TFCP2L1: variants seen among roughly 807,000 people sequenced by gnomAD.
The protein encoded by TFCP2L1 is transcription factor CP2 like 1.
TFCP2L1 carries 12 observed loss-of-function variants against 72.2 expected under a neutral mutation model. The observed-to-expected ratio is 0.17, with a 90% CI of 0.11 to 0.27. The LOEUF is 0.27. TFCP2L1 is among the 10% of genes least tolerant of loss of function. The pLI is 1.00. For synonymous variants in TFCP2L1, 260 were observed against 251.0 expected, an observed-to-expected ratio of 1.04 and a Z score of -0.34; for missense variants, 488 against 624.6, an observed-to-expected ratio of 0.78 and a Z score of 2.33.
chr2:121,242,269 AG>A (rs1326567167), intron 7 of TFCP2L1, 89 bp downstream of exon 7: 6 of 1,142,042 alleles, frequency 5.3e-6, no homozygotes, highest in Non-Finnish European at 7.9e-6. Context: ...TAGTCACCCG[AG>A]ATGGGCGATT....
chr2:121,251,869 T>TAAGG (rs1274859733), intron 2 of TFCP2L1, among the ~76,000 whole-genome samples: 1 of 152,152 alleles, frequency 6.6e-6, no homozygotes, highest in Non-Finnish European at 1.5e-5. Context: ...AGATACTCAA[T>TAAGG]AAGGAAGAAC....
In TFCP2L1 at chr2:121,217,933, C is replaced by A. The variant is rs1190603100; in HGVS notation, c.*6408G>T. On this transcript the variant is annotated 3_prime_UTR_variant, in exon 15 of 15. Coordinates refer to ENST00000263707, the MANE Select transcript of TFCP2L1 (RefSeq NM_014553.3). The stretch of plus-strand genomic sequence containing the variant: ...CCTTCCAAGGGGGGCTCGCCAGCCA[C>A]ACAGGACACGAGATGCGTGATAGGC... The A allele has an allele frequency of 1.3e-5, 2 of 152,252 alleles. No individual in the cohort carries two copies. Among genetic ancestry groups the A allele is most frequent in the African/African-American group, 4.8e-5 (2 of 41,464 alleles). The allele number at this position is 152,252 out of a possible 1,614,324, so 9.4% of individuals were successfully genotyped here. A position where few individuals can be genotyped will look rare whatever the true frequency, so the allele number is the denominator to read the frequency against.
intron 13 of TFCP2L1, 119 bp downstream of exon 13, chr2:121,231,707 G>T: frequency 7.2e-7 from 1 of 1,397,370 alleles, no homozygotes; most frequent in Non-Finnish European, 9.7e-7. Context: ...GCTGCAGGTG[G>T]TGTGCAGATG....
At chr2:121,225,063 T>C (rs948376006) in intron 14 of TFCP2L1, among the ~76,000 whole-genome samples, 5 of 152,004 alleles carry the variant, frequency 3.3e-5, no homozygotes, top group African/African-American at 9.6e-5. Context: ...CCAGGGTCTA[T>C]GAGTCGGTCA....
intron 14 of TFCP2L1, 101 bp from the exon 15 acceptor site, chr2:121,224,488 C>G (rs769740132): frequency 6.6e-6 from 8 of 1,213,384 alleles, no homozygotes; most frequent in Non-Finnish European, 9.5e-6. Flanking sequence ...TCAGCAAAGA[C>G]CACCAAAATA....
intron 2 of TFCP2L1, among the ~76,000 whole-genome samples, chr2:121,263,310 C>A (rs1686861135): frequency 2.6e-5 from 4 of 151,986 alleles, no homozygotes; most frequent in Admixed American, 2.6e-4. Context: ...GAATTTGTAT[C>A]CATAGTAGAT....
At chr2:121,280,195 G>T (rs1379094958) in intron 2 of TFCP2L1, among the ~76,000 whole-genome samples, 5 of 141,312 alleles carry the variant, frequency 3.5e-5, no homozygotes, top group African/African-American at 5.2e-5. Context: ...GAGGTTCAGA[G>T]AAAAAAAAAA....
At chr2:121,241,115 ATCAGTCAGCC>A (rs1335132642) in intron 7 of TFCP2L1, among the ~76,000 whole-genome samples, 1 of 152,180 alleles carries the variant, frequency 6.6e-6, no homozygotes, top group Non-Finnish European at 1.5e-5. Context: ...ACCACCACCA[ATCAGTCAGCC>A]TGACTGCAGA....
intron 2 of TFCP2L1, among the ~76,000 whole-genome samples, chr2:121,250,004 A>C (rs1185816658): frequency 6.6e-6 from 1 of 152,224 alleles, no homozygotes; most frequent in Non-Finnish European, 1.5e-5. Context: ...GATGGAGAAC[A>C]CAGCTACTTA....
chr2:121,244,085 C>A (rs1251800453), intron 6 of TFCP2L1, among the ~76,000 whole-genome samples: 1 of 152,138 alleles, frequency 6.6e-6, no homozygotes, highest in East Asian at 1.9e-4. Context: ...ACCCCCACGA[C>A]CTGGCTTCCC....
At chr2:121,224,625 C>CA (rs1232034732) in intron 14 of TFCP2L1, among the ~76,000 whole-genome samples, 1 of 152,210 alleles carries the variant, frequency 6.6e-6, no homozygotes, top group Non-Finnish European at 1.5e-5. Flanking sequence ...TGAAAACCTA[C>CA]GTTCCAAGGA....
At position 121,235,261 on chromosome 2, in the gene TFCP2L1, G is replaced by T; in HGVS notation, c.1054C>A (p.Pro352Thr). The T allele has an allele frequency of 6.2e-7, 1 of 1,614,130 alleles. No homozygotes were observed. Among genetic ancestry groups the T allele is most frequent in the Non-Finnish European group, 8.5e-7 (1 of 1,180,034 alleles). ...SRDDLVQICG[P>T]ADGIRLFNAI... ...TTGAAGAGCCGGATCCCATCTGCGG[G>T]ACCACAGATCTGGACCAAATCATCT... The change falls in exon 11 of 15, where the codon CCC becomes ACC. Residue 352 changes from proline (P) to threonine (T), a missense_variant. Physicochemically the swap from Pro to Thr is conservative, Grantham distance 38 (BLOSUM62 -1). Coordinates refer to ENST00000263707, the MANE Select transcript of TFCP2L1 (RefSeq NM_014553.3).
At chr2:121,251,579 G>C (rs913989414) in intron 2 of TFCP2L1, among the ~76,000 whole-genome samples, 1 of 152,200 alleles carries the variant, frequency 6.6e-6, no homozygotes, top group Admixed American at 6.5e-5. Context: ...ATTTCCATTA[G>C]ACAGGAGGAA....
At chr2:121,269,918 A>AAAAAAAAAAAAAAAAAAAAAAATATAT in intron 2 of TFCP2L1, among the ~76,000 whole-genome samples, 1 of 115,180 alleles carries the variant, frequency 8.7e-6, no homozygotes, top group Admixed American at 9.2e-5. Context: ...AAAAAAAAAA[A>AAAAAAAAAAAAAAAAAAAAAAATATAT]ATATATATAT....
chr2:121,226,814 T>C (rs1686039959), intron 13 of TFCP2L1, among the ~76,000 whole-genome samples: 1 of 152,228 alleles, frequency 6.6e-6, no homozygotes, highest in Non-Finnish European at 1.5e-5. Context: ...TAAATCTTCC[T>C]AACACTGTTC....
chr2:121,262,079 G>C (rs1005167135), intron 2 of TFCP2L1, among the ~76,000 whole-genome samples: 2 of 152,186 alleles, frequency 1.3e-5, no homozygotes, highest in Non-Finnish European at 2.9e-5. Context: ...ACTTTGGAAG[G>C]CCAAGGCAGG....
rs1354897913 is a variant in TFCP2L1 at position 121,232,751 on chromosome 2, C to T, written c.1199-783G>A. On this transcript the variant is annotated intron_variant, in intron 12 of 14. Transcript: ENST00000263707. ...TGCCCGCAACACAAACCATACTCAG[C>T]CTCAACACAGTAACCCTAAGGAGAG... Among the ~76,000 whole-genome samples, 3 of 152,148 alleles carry T rather than the reference C, an allele frequency of 2.0e-5. No homozygotes were observed. The East Asian group carries it at 5.8e-4, about 29-fold the overall frequency.
intron 2 of TFCP2L1, among the ~76,000 whole-genome samples, chr2:121,275,132 C>T (rs1291666639): frequency 6.6e-6 from 1 of 151,898 alleles, no homozygotes; most frequent in Non-Finnish European, 1.5e-5. Flanking sequence ...CACCTGTAAT[C>T]CCAGCACTTT....
intron 2 of TFCP2L1, among the ~76,000 whole-genome samples, chr2:121,260,139 C>T (rs1025101981): frequency 6.6e-6 from 1 of 152,116 alleles, no homozygotes; most frequent in Non-Finnish European, 1.5e-5. Context: ...TACACTAGGA[C>T]CGTGCCCATT....
Sources: gnomAD v4.1 joint callset for allele counts (sites outside exome capture counted in the v4.1 genomes callset) on GRCh38, gnomAD v4.1.1 for gene constraint, MANE v1.5 for transcripts, NCBI Gene and HGNC (gene_info 2026-07-23, HGNC 2026-07-21) for gene names.